The following GALNT9 variants were observed in gnomAD, a reference collection of about 807,000 sequenced individuals.
The protein encoded by GALNT9 is GalNAc transferase 9.
In GALNT9, 47 loss-of-function variants were observed where a neutral mutation model predicts 63.1. The ratio of observed to expected loss-of-function variants is 0.75; its 90% confidence interval spans 0.59 to 0.95. The LOEUF (loss-of-function observed/expected upper bound fraction) is 0.95. Ranked by LOEUF, GALNT9 falls within the 40% of genes least tolerant of loss-of-function variation. The probability of loss-of-function intolerance (pLI) is 0.00; values close to 1 mark genes in which losing one functional copy is unlikely to be tolerated. For missense variants in GALNT9, 829 were observed against 874.8 expected, an observed-to-expected ratio of 0.95 and a Z score of 0.66; for synonymous variants, 396 against 365.7, an observed-to-expected ratio of 1.08 and a Z score of -0.94.
chr12:132,303,469 A>G (rs868994018), intron 1 of GALNT9, among the ~76,000 whole-genome samples: 4 of 125,254 alleles, frequency 3.2e-5, no homozygotes, highest in Middle Eastern at 4.6e-3. Context: ...GCCCGGACAC[A>G]CCCTCACCCG....
In GALNT9 at chr12:132,328,337, C is replaced by A. The variant is rs147733589; in HGVS notation, c.238+629G>T. On this transcript the variant is annotated intron_variant, in intron 1 of 10. Transcript: ENST00000328957. ...GGGCCCCCCTGGGTAATGAGTCCTGCCAAGCCCTGCATGATCCTCAACTCC... is the reference window on the plus strand; with the variant it reads ...GGGCCCCCCTGGGTAATGAGTCCTGACAAGCCCTGCATGATCCTCAACTCC... Among the ~76,000 whole-genome samples the A allele has an allele frequency of 7.5e-3, 1,137 of 152,270 alleles. 15 individuals carry two copies. The highest frequency in any genetic ancestry group is 0.026 in the African/African-American group (1,065 of 41,544).
chr12:132,249,961 G>A (rs1254803710), intron 5 of GALNT9, among the ~76,000 whole-genome samples: 6 of 152,180 alleles, frequency 3.9e-5, no homozygotes, highest in Admixed American at 3.3e-4. Flanking sequence ...CCCGATGCCC[G>A]CACCTGCCCT....
intron 6 of GALNT9, among the ~76,000 whole-genome samples, chr12:132,213,771 G>A (rs1877069510): frequency 6.6e-6 from 1 of 152,230 alleles, no homozygotes; most frequent in South Asian, 2.1e-4. Context: ...GGTGGCACCG[G>A]GGACCTGAGG....
chr12:132,229,424 G>A (rs1203849784), intron 6 of GALNT9, among the ~76,000 whole-genome samples: 7 of 152,302 alleles, frequency 4.6e-5, no homozygotes, highest in South Asian at 2.1e-4. Flanking sequence ...TCCCTTTGAC[G>A]CCCCACCCGT....
intron 6 of GALNT9, among the ~76,000 whole-genome samples, chr12:132,239,828 TGA>T (rs1418712945): frequency 6.7e-6 from 1 of 148,614 alleles, no homozygotes; most frequent in Non-Finnish European, 1.5e-5. Flanking sequence ...ACAGAAAGAC[TGA>T]GAGAGACAAA....
At position 132,279,218 on chromosome 12, in the gene GALNT9, G is replaced by C. The variant is rs1021179260; in HGVS notation, c.419+7032C>G. ...ATTTCCCACAGGGAAGGCCTAACAA[G>C]GCTTGACCAATCAGTGAAGGGCATT... On this transcript the variant is annotated intron_variant, in intron 2 of 10. Transcript: ENST00000328957. This position sits in a 1 kb window ranked among gnomAD's most constrained non-coding sequence, Gnocchi z 4.1. 2 of 152,280 alleles carry C rather than the reference G, an allele frequency of 1.3e-5. No individual in the cohort carries two copies. Among genetic ancestry groups the C allele is most frequent in the African/African-American group, 4.8e-5 (2 of 41,460 alleles). 9.4% of individuals were successfully genotyped at this position (152,280 alleles called of 1,614,324 possible).
Position 132,323,010 on chromosome 12 carries a change from C to A in GALNT9, c.238+5956G>T, listed in dbSNP as rs1317607661. 2.6e-5 allele frequency among the ~76,000 whole-genome samples: 4 copies of A among 152,192 alleles called. 1 individual carries two copies. The highest frequency in any genetic ancestry group is 9.7e-5 in the African/African-American group (4 of 41,450). On this transcript the variant is annotated intron_variant, in intron 1 of 10. Transcript: ENST00000328957. ...GCGTCAGCCTTGCCCCCTCCTCCAGCGCCTCCCGGCTTCTCCACCTCCTTG... is the reference window on the plus strand; with the variant it reads ...GCGTCAGCCTTGCCCCCTCCTCCAGAGCCTCCCGGCTTCTCCACCTCCTTG...
rs1442110546 is a variant in GALNT9 at position 132,247,894 on chromosome 12, C to T, written c.1077+16G>A. ...CTCGCCCTCACCCTGTCCCTGGACA[C>T]CGGGGCCGCACTCACCCTCATGCCC... On this transcript the variant is annotated intron_variant, in intron 6 of 10. Coordinates refer to ENST00000328957, the MANE Select transcript of GALNT9 (RefSeq NM_001122636.2). The T allele has an allele frequency of 1.9e-6, 3 of 1,550,982 alleles. No individual in the cohort carries two copies. Among genetic ancestry groups the T allele is most frequent in the African/African-American group, 2.7e-5 (2 of 73,078 alleles).
chr12:132,229,432 C>T (rs954019259), intron 6 of GALNT9, among the ~76,000 whole-genome samples: 10 of 152,384 alleles, frequency 6.6e-5, no homozygotes, highest in Admixed American at 2.6e-4. Flanking sequence ...ACGCCCCACC[C>T]GTCCTGCCCT....
intron 1 of GALNT9, among the ~76,000 whole-genome samples, chr12:132,306,823 C>G (rs192541712): frequency 1.3e-5 from 2 of 152,184 alleles, no homozygotes; most frequent in Non-Finnish European, 2.9e-5. Context: ...CGCGCACACC[C>G]GCCGCGTGCC....
At chr12:132,201,386 C>T (rs1023364798) in intron 7 of GALNT9, 125 bp from the exon 8 acceptor site, 8 of 614,130 alleles carry the variant, frequency 1.3e-5, no homozygotes, top group Admixed American at 5.6e-5. Context: ...CCCCAGTATT[C>T]AGATGCTGAG....
At chr12:132,307,770 G>A (rs1555244776) in intron 1 of GALNT9, among the ~76,000 whole-genome samples, 1 of 152,172 alleles carries the variant, frequency 6.6e-6, no homozygotes, top group African/African-American at 2.4e-5. Context: ...GGAGGCAGAG[G>A]TTGCAGTGAG....
intron 2 of GALNT9, among the ~76,000 whole-genome samples, chr12:132,268,764 T>C (rs1555240458): frequency 1.3e-5 from 2 of 151,660 alleles, no homozygotes; most frequent in Non-Finnish European, 1.5e-5. Flanking sequence ...CAAGCAGCCA[T>C]CAAGCACGTG....
At chr12:132,232,107 G>A (rs1877901810) in intron 6 of GALNT9, among the ~76,000 whole-genome samples, 1 of 1,766 alleles carries the variant, frequency 5.7e-4, no homozygotes, top group Non-Finnish European at 9.7e-4. Context: ...AGGAGACAGC[G>A]TGGAGTCCCT....
chr12:132,265,522 C>T lies in GALNT9; in HGVS notation c.420-2897G>A, dbSNP rs1248013048. Among the ~76,000 whole-genome samples the T allele has an allele frequency of 1.3e-5, 2 of 152,134 alleles. No homozygotes were observed. The highest frequency in any genetic ancestry group is 2.9e-5 in the Non-Finnish European group (2 of 68,032). ...TCCTGAGATGAGCTTGAGGCAGGAT[C>T]GGTAGGATGAGGAGGCCACACTGAC... On this transcript the variant is annotated intron_variant, in intron 2 of 10. Coordinates refer to ENST00000328957, the MANE Select transcript of GALNT9 (RefSeq NM_001122636.2). The surrounding 1 kb of genome is among the most constrained non-coding windows in gnomAD (Gnocchi z 5.3).
chr12:132,287,221 GAC>G (rs1429143996), intron 1 of GALNT9, among the ~76,000 whole-genome samples: 1 of 152,192 alleles, frequency 6.6e-6, no homozygotes, highest in Non-Finnish European at 1.5e-5. Context: ...CATCGACAGT[GAC>G]ACAGTCACAC....
chr12:132,253,593 T>C (rs1042123294), intron 5 of GALNT9, among the ~76,000 whole-genome samples: 7 of 152,370 alleles, frequency 4.6e-5, no homozygotes, highest in African/African-American at 1.7e-4. Flanking sequence ...TAATGATTGA[T>C]AATTGTCCAT....
intron 1 of GALNT9, among the ~76,000 whole-genome samples, chr12:132,304,797 A>G (rs1367286562): frequency 5.7e-5 from 3 of 52,548 alleles, no homozygotes; most frequent in African/African-American, 8.2e-5. Context: ...GCCCAGACAC[A>G]CCCTCACCTG....
chr12:132,221,519 G>A (rs537054253), intron 6 of GALNT9, among the ~76,000 whole-genome samples: 25 of 148,142 alleles, frequency 1.7e-4, no homozygotes, highest in Admixed American at 1.2e-3. Context: ...TTAGCTGGGT[G>A]TGGTGGTGGT....
Sources: gnomAD v4.1 joint callset for allele counts (sites outside exome capture counted in the v4.1 genomes callset) on GRCh38, gnomAD v4.1.1 for gene constraint, Gnocchi (gnomAD v3.1) non-coding constraint, MANE v1.5 for transcripts, NCBI Gene and HGNC (gene_info 2026-07-23, HGNC 2026-07-21) for gene names.